The following GABRB3 variants were observed in gnomAD, a reference collection of about 807,000 sequenced individuals.
GABRB3 encodes gamma-aminobutyric acid type A receptor subunit beta3.
A neutral mutation model predicts 52.1 loss-of-function variants in GABRB3; 14 were observed. The observed-to-expected ratio is 0.27, with a 90% CI of 0.18 to 0.42. GABRB3 has a LOEUF of 0.42. Ranked by LOEUF, GABRB3 falls within the 10% of genes least tolerant of loss-of-function variation. GABRB3 has a pLI of 1.00. For missense variants in GABRB3, 307 were observed against 609.1 expected (o/e 0.50, Z 5.22); for synonymous variants, 260 against 232.3 (o/e 1.12, Z -1.08).
chr15:26,670,099 C>T (rs1382175247), intron 3 of GABRB3, among the ~76,000 whole-genome samples: 1 of 152,224 alleles, frequency 6.6e-6, no homozygotes, highest in Non-Finnish European at 1.5e-5. Flanking sequence ...GGAGCCTCAC[C>T]TGGGAGGAGA....
chr15:26,773,750 C>T (rs762127766), upstream of GABRB3: 2 of 1,547,382 alleles, frequency 1.3e-6, no homozygotes, highest in Non-Finnish European at 1.7e-6. Context: ...GCCTAACCTG[C>T]TGGGATCCGC....
chr15:26,732,906 G>A (rs1486514256), intron 3 of GABRB3, among the ~76,000 whole-genome samples: 1 of 151,954 alleles, frequency 6.6e-6, no homozygotes, highest in Non-Finnish European at 1.5e-5. Context: ...GCTAAGATAG[G>A]AGGATTCCTT....
intron 6 of GABRB3, among the ~76,000 whole-genome samples, chr15:26,571,313 A>G (rs1214537992): frequency 6.6e-6 from 1 of 152,178 alleles, no homozygotes; most frequent in Non-Finnish European, 1.5e-5. Flanking sequence ...TTTTTCCTAT[A>G]AAAAATATAT....
At chr15:26,685,603 A>G (rs953707494) in intron 3 of GABRB3, among the ~76,000 whole-genome samples, 1 of 152,206 alleles carries the variant, frequency 6.6e-6, no homozygotes, top group African/African-American at 2.4e-5. Flanking sequence ...TCAAAAAGTA[A>G]TGCAGGATGA....
At chr15:26,724,065 C>T (rs1302936428) in intron 3 of GABRB3, among the ~76,000 whole-genome samples, 2 of 152,194 alleles carry the variant, frequency 1.3e-5, no homozygotes, top group African/African-American at 4.8e-5. Flanking sequence ...CATCACTCTG[C>T]TCTCCTGGTT....
Position 26,557,233 on chromosome 15 carries a change from AT to A in GABRB3, c.1080+3698del, listed in dbSNP as rs1455463588. Among the ~76,000 whole-genome samples the A allele has an allele frequency of 3.9e-5, 6 of 152,312 alleles. No individual in the cohort carries two copies. The East Asian group carries it at 9.7e-4, about 25-fold the overall frequency. On this transcript the variant is annotated intron_variant, in intron 8 of 8. Coordinates refer to ENST00000311550, the MANE Select transcript of GABRB3 (RefSeq NM_000814.6). ...AGTAGGAGCTAAACACTGAGTATGA[AT>A]GGACGAAAAAAAGGAAACAGCAGAC...
chr15:26,706,250 G>A (rs1458581399), intron 3 of GABRB3, among the ~76,000 whole-genome samples: 1 of 152,130 alleles, frequency 6.6e-6, no homozygotes, highest in African/African-American at 2.4e-5. Context: ...CAGCGCCTGA[G>A]GCAATACCCG....
intron 3 of GABRB3, among the ~76,000 whole-genome samples, chr15:26,638,380 T>C (rs1420827389): frequency 1.3e-5 from 2 of 152,222 alleles, no homozygotes; most frequent in Non-Finnish European, 2.9e-5. Context: ...GCTCCCAGGA[T>C]AGACGGCACC....
chr15:26,704,608 TACTGTAA>T (rs149842397), intron 3 of GABRB3, among the ~76,000 whole-genome samples: 25,051 of 152,124 alleles, frequency 0.16, 2,273 homozygotes, highest in Middle Eastern at 0.26. Context: ...TCTCATATTT[TACTGTAA>T]GCATGTAAAA....
chr15:26,594,645 A>G (rs1005539707), intron 4 of GABRB3, among the ~76,000 whole-genome samples: 14 of 152,144 alleles, frequency 9.2e-5, no homozygotes, highest in Non-Finnish European at 1.6e-4. Context: ...ACAGTCCTGC[A>G]CCAACATGCC....
At chr15:26,575,066 G>C (rs17560563) in intron 6 of GABRB3, among the ~76,000 whole-genome samples, 21,739 of 152,100 alleles carry the variant, frequency 0.14, 1,984 homozygotes, top group Non-Finnish European at 0.19. Flanking sequence ...CTCTGTTCAT[G>C]ATTCTGTAAT....
chr15:26,613,050 G>C (rs1394785945), intron 4 of GABRB3: 3 of 152,464 alleles, frequency 2.0e-5, no homozygotes, highest in Non-Finnish European at 4.4e-5. Context: ...CTGGGAGTTG[G>C]AAGTAACAAT....
At chr15:26,554,184 A>T (rs1301611947) in intron 8 of GABRB3, among the ~76,000 whole-genome samples, 5 of 29,544 alleles carry the variant, frequency 1.7e-4, no homozygotes, top group Non-Finnish European at 2.5e-4. Flanking sequence ...AAGTATATAT[A>T]TATATACTAT....
chr15:26,574,271 G>T (rs1033050683), intron 6 of GABRB3, among the ~76,000 whole-genome samples: 5 of 152,130 alleles, frequency 3.3e-5, no homozygotes, highest in African/African-American at 1.2e-4. Context: ...AACTAGTGTT[G>T]GTGAGAATAT....
chr15:26,717,226 C>A (rs146569257), intron 3 of GABRB3, among the ~76,000 whole-genome samples: 2,178 of 149,504 alleles, frequency 0.015, 40 homozygotes, highest in African/African-American at 0.051. Context: ...TCAATGACAA[C>A]CTAGCTCTGG....
chr15:26,643,646 GT>G (rs768842078), intron 3 of GABRB3, among the ~76,000 whole-genome samples: 7 of 151,842 alleles, frequency 4.6e-5, no homozygotes, highest in Admixed American at 4.6e-4. Context: ...GTGTGTGTGT[GT>G]GGGTTCACCC....
At chr15:26,578,499 G>C (rs940149236) in intron 6 of GABRB3, among the ~76,000 whole-genome samples, 9 of 152,320 alleles carry the variant, frequency 5.9e-5, no homozygotes, top group Admixed American at 5.9e-4. Flanking sequence ...CATACAGACT[G>C]AAAAGAAAGA....
chr15:26,765,307 CTTTCTGCTTTGAAATTAGCATAAAAG>C (rs1890967266), intron 3 of GABRB3, among the ~76,000 whole-genome samples: 1 of 152,142 alleles, frequency 6.6e-6, no homozygotes. Context: ...CTTTACTCTT[CTTTCTGCTTTGAAATTAGCATAAAAG>C]TTCCCCAGTG....
At chr15:26,618,105 GATTCA>G (rs1892331513) in intron 4 of GABRB3, among the ~76,000 whole-genome samples, 1 of 152,068 alleles carries the variant, frequency 6.6e-6, no homozygotes, top group South Asian at 2.1e-4. Flanking sequence ...GTAATTTATA[GATTCA>G]ATGCCATCCC....
Sources: gnomAD v4.1 joint callset for allele counts (sites outside exome capture counted in the v4.1 genomes callset) on GRCh38, gnomAD v4.1.1 for gene constraint, MANE v1.5 for transcripts, NCBI Gene and HGNC (gene_info 2026-07-23, HGNC 2026-07-21) for gene names.